The following FHIP2A variants were observed in gnomAD, a reference collection of about 807,000 sequenced individuals.
FHIP2A encodes FHF complex subunit HOOK interacting protein 2A, also known as family with sequence similarity 160 member B1.
Under a neutral mutation model 93.5 loss-of-function variants are expected in FHIP2A, and 46 were observed. That is an observed-to-expected ratio of 0.49 (90% CI 0.39 to 0.63). The LOEUF (loss-of-function observed/expected upper bound fraction) is 0.63. FHIP2A is among the 20% of genes least tolerant of loss of function. FHIP2A has a pLI of 0.00. For synonymous variants in FHIP2A, 332 were observed against 326.5 expected (o/e 1.02, Z -0.18); for missense variants, 769 against 909.7 (o/e 0.85, Z 1.99).
At chr10:114,832,496 G>C (rs961885915) in intron 2 of FHIP2A, among the ~76,000 whole-genome samples, 2 of 152,006 alleles carry the variant, frequency 1.3e-5, no homozygotes, top group Non-Finnish European at 2.9e-5. Context: ...TTGCCTTCAT[G>C]TTCAAGGCCA....
chr10:114,826,751 T>C (rs1366492828), intron 1 of FHIP2A, among the ~76,000 whole-genome samples: 1 of 152,132 alleles, frequency 6.6e-6, no homozygotes, highest in Non-Finnish European at 1.5e-5. Flanking sequence ...GCCAGCACTT[T>C]GGGAGGCCGA....
downstream of FHIP2A, among the ~76,000 whole-genome samples, chr10:114,869,195 T>C (rs936430619): frequency 1.3e-5 from 2 of 152,204 alleles, no homozygotes; most frequent in African/African-American, 4.8e-5. Flanking sequence ...GAGAAATGTA[T>C]TCCTTATTCC....
intron 1 of FHIP2A, among the ~76,000 whole-genome samples, chr10:114,822,614 G>A (rs2083540443): frequency 6.6e-6 from 1 of 152,248 alleles, no homozygotes; most frequent in Non-Finnish European, 1.5e-5. Flanking sequence ...GGGGGTAGAG[G>A]TGGGAGAGGC....
At chr10:114,878,116 T>C (rs2083898303) in intron 16 of FHIP2A, among the ~76,000 whole-genome samples, 1 of 152,242 alleles carries the variant, frequency 6.6e-6, no homozygotes, top group Non-Finnish European at 1.5e-5. Context: ...ACTTCATGCA[T>C]ATATATTTTC....
intron 14 of FHIP2A, among the ~76,000 whole-genome samples, chr10:114,856,261 T>C (rs2083766137): frequency 6.6e-6 from 1 of 152,222 alleles, no homozygotes; most frequent in Admixed American, 6.5e-5. Flanking sequence ...GCGTTGTTTC[T>C]GACGGTAATC....
At chr10:114,859,402 T>C (rs1278793002) in intron 14 of FHIP2A, among the ~76,000 whole-genome samples, 2 of 152,214 alleles carry the variant, frequency 1.3e-5, no homozygotes, top group East Asian at 3.9e-4. Context: ...TTCACTGTGA[T>C]CAAGGCTTTG....
At chr10:114,837,956 A>G (rs1014792070) in intron 5 of FHIP2A, among the ~76,000 whole-genome samples, 3 of 152,194 alleles carry the variant, frequency 2.0e-5, no homozygotes, top group African/African-American at 7.2e-5. Flanking sequence ...TACAATTGTT[A>G]ATGAAACCAC....
intron 7 of FHIP2A, among the ~76,000 whole-genome samples, chr10:114,845,051 C>T (rs2083692366): frequency 6.6e-6 from 1 of 151,548 alleles, no homozygotes; most frequent in Non-Finnish European, 1.5e-5. Context: ...GATCCACCCA[C>T]CCACGCACGT....
chr10:114,854,414 C>T (rs1330636236), intron 13 of FHIP2A, among the ~76,000 whole-genome samples: 1 of 151,978 alleles, frequency 6.6e-6, no homozygotes, highest in East Asian at 1.9e-4. Context: ...ATCGCTTGAA[C>T]CTGGGAGGCG....
intron 7 of FHIP2A, among the ~76,000 whole-genome samples, chr10:114,844,870 C>T (rs1246464738): frequency 2.0e-5 from 3 of 152,090 alleles, no homozygotes; most frequent in South Asian, 2.1e-4. Flanking sequence ...CCGCAACCTC[C>T]GTCTCCCAGG....
At chr10:114,890,596 CAT>C (rs1203222369) in intron 16 of FHIP2A, among the ~76,000 whole-genome samples, 2 of 146,536 alleles carry the variant, frequency 1.4e-5, no homozygotes, top group African/African-American at 2.5e-5. Flanking sequence ...TACGCTATGA[CAT>C]ATATAGTTTA....
At chr10:114,843,974 C>G (rs371908994) in intron 7 of FHIP2A, 37 bp downstream of exon 7, 13 of 1,443,072 alleles carry the variant, frequency 9.0e-6, no homozygotes, top group Non-Finnish European at 1.2e-5. Flanking sequence ...ATAAAGGTGA[C>G]TTCTTAACAC....
chr10:114,869,665 A>G (rs2083847506), downstream of FHIP2A, among the ~76,000 whole-genome samples: 3 of 152,198 alleles, frequency 2.0e-5, no homozygotes, highest in South Asian at 6.2e-4. Flanking sequence ...AATGTCATGC[A>G]GCTTCAAGTA....
intron 1 of FHIP2A, among the ~76,000 whole-genome samples, chr10:114,827,959 C>T (rs2083587023): frequency 6.6e-6 from 1 of 151,678 alleles, no homozygotes. Flanking sequence ...ATTTAATTCT[C>T]TGTGTTGTAA....
chr10:114,883,852 T>C (rs2083928968), intron 16 of FHIP2A, among the ~76,000 whole-genome samples: 1 of 152,224 alleles, frequency 6.6e-6, no homozygotes, highest in Non-Finnish European at 1.5e-5. Flanking sequence ...AGTGCGGAGA[T>C]TACGGGTATG....
chr10:114,837,119 G>A (rs555741999), intron 5 of FHIP2A, among the ~76,000 whole-genome samples: 2 of 152,190 alleles, frequency 1.3e-5, no homozygotes, highest in East Asian at 3.9e-4. Context: ...GTCCGGGCTG[G>A]TCTGGAACTC....
intron 7 of FHIP2A, 74 bp from the exon 8 acceptor site, chr10:114,845,293 T>C: frequency 1.2e-6 from 1 of 825,804 alleles, no homozygotes. Context: ...TGTGCCTTCA[T>C]TTTTCCATAC....
chr10:114,863,059 C>T lies in FHIP2A; in HGVS notation c.*1519C>T, dbSNP rs1209868407. On this transcript the variant is annotated 3_prime_UTR_variant, in exon 17 of 17. Coordinates refer to ENST00000369248, the MANE Select transcript of FHIP2A (RefSeq NM_020940.4). ...AGAATATCAAAAGATTATGAATAGC[C>T]TCAGCTCTAGAATGCTTACCACTGT... 3 of 984,208 alleles carry T rather than the reference C, an allele frequency of 3.0e-6. No homozygotes were observed. Among genetic ancestry groups the T allele is most frequent in the Non-Finnish European group, 2.4e-6 (2 of 828,984 alleles). 61.0% of individuals were successfully genotyped at this position (984,208 alleles called of 1,614,324 possible).
chr10:114,844,398 C>T (rs932809414), intron 7 of FHIP2A, among the ~76,000 whole-genome samples: 3 of 152,238 alleles, frequency 2.0e-5, no homozygotes, highest in East Asian at 1.9e-4. Flanking sequence ...TATTGCAGAA[C>T]GTTTATAAAT....
Sources: gnomAD v4.1 joint callset for allele counts (sites outside exome capture counted in the v4.1 genomes callset) on GRCh38, gnomAD v4.1.1 for gene constraint, MANE v1.5 for transcripts, NCBI Gene and HGNC (gene_info 2026-07-23, HGNC 2026-07-21) for gene names.